Variants in CA5B observed in about 807,000 individuals in gnomAD.
CA5B encodes carbonic anhydrase 5B, mitochondrial.
CA5B carries 15 observed loss-of-function variants against 23.1 expected under a neutral mutation model. The ratio of observed to expected loss-of-function variants is 0.65; its 90% confidence interval spans 0.43 to 1.00. The LOEUF (loss-of-function observed/expected upper bound fraction) is 1.00. CA5B is among the 50% of genes least tolerant of loss of function. The probability of loss-of-function intolerance (pLI) is 0.00; values close to 1 mark genes in which losing one functional copy is unlikely to be tolerated. For missense variants in CA5B, 236 were observed against 252.2 expected, an observed-to-expected ratio of 0.94 and a Z score of 0.43; for synonymous variants, 84 against 98.5, an observed-to-expected ratio of 0.85 and a Z score of 0.87.
chrX:15,773,304 G>A (rs1349914514), intron 4 of CA5B, among the ~76,000 whole-genome samples: 1 of 109,910 alleles, frequency 9.1e-6, no homozygotes, highest in East Asian at 2.8e-4. Flanking sequence ...CTGTCACCCA[G>A]GCTGGAGTGC....
chrX:15,775,335 G>C (rs1176882487), intron 6 of CA5B, 27 bp downstream of exon 6: 1 of 1,178,312 alleles, frequency 8.5e-7, no homozygotes, highest in African/African-American at 1.8e-5. Flanking sequence ...TTAATTACTT[G>C]AAATATACTT....
rs759440640 is a variant in CA5B at position 15,770,417 on chromosome X, A to G, written c.341-2079A>G. Among the ~76,000 whole-genome samples, 18 of 111,869 alleles carry G rather than the reference A, an allele frequency of 1.6e-4. 1 individual carries two copies. In the East Asian group the frequency reaches 4.5e-3, roughly 28 times the overall value. ...TGACTGCTTTGCTTTCCAATTCACT[A>G]TCTTCTGTCTACCTGCCCCATTTCT... is the stretch of plus-strand genomic sequence containing the variant. On this transcript the variant is annotated intron_variant, in intron 3 of 7. Coordinates refer to ENST00000318636, the MANE Select transcript of CA5B (RefSeq NM_007220.4).
chrX:15,762,337 C>CAGAGTAAACCAG (rs1172868828), intron 2 of CA5B, among the ~76,000 whole-genome samples: 2 of 110,987 alleles, frequency 1.8e-5, no homozygotes, highest in African/African-American at 6.5e-5. Context: ...TCTGCTCTGT[C>CAGAGTAAACCAG]AGAGTAAACC....
chrX:15,742,749 C>T (rs185195660), intron 1 of CA5B, among the ~76,000 whole-genome samples: 47 of 112,687 alleles, frequency 4.2e-4, no homozygotes, highest in South Asian at 1.4e-3. Flanking sequence ...CGGAAACCTC[C>T]ACTGTCTCCC....
At chrX:15,774,424 A>G in intron 5 of CA5B, 27 bp downstream of exon 5, 2 of 826,317 alleles carry the variant, frequency 2.4e-6, no homozygotes, top group East Asian at 3.1e-5. Flanking sequence ...ACTTTAAATG[A>G]CGTGTTGTAT....
At chrX:15,753,502 C>A (rs1417689579) in intron 2 of CA5B, among the ~76,000 whole-genome samples, 1 of 112,225 alleles carries the variant, frequency 8.9e-6, no homozygotes, top group Non-Finnish European at 1.9e-5. Flanking sequence ...GGTGTCAGAT[C>A]TCTCCTGGAT....
intron 3 of CA5B, among the ~76,000 whole-genome samples, chrX:15,770,249 G>A (rs1458536914): frequency 9.0e-6 from 1 of 111,158 alleles, no homozygotes; most frequent in African/African-American, 3.3e-5. Flanking sequence ...GGGAGTTGGA[G>A]GTTGCAGTGA....
intron 2 of CA5B, among the ~76,000 whole-genome samples, chrX:15,752,676 G>T (rs1389703949): frequency 9.2e-6 from 1 of 109,258 alleles, no homozygotes; most frequent in Non-Finnish European, 1.9e-5. Flanking sequence ...AGTGAGCCGA[G>T]ATCGCGCCAC....
chrX:15,740,657 C>G (rs1931100187), intron 1 of CA5B, among the ~76,000 whole-genome samples: 1 of 111,831 alleles, frequency 8.9e-6, no homozygotes. Context: ...GGAGGGGATT[C>G]TCTTTCTATC....
chrX:15,770,161 A>C (rs1216953672), intron 3 of CA5B, among the ~76,000 whole-genome samples: 2 of 109,316 alleles, frequency 1.8e-5, no homozygotes, highest in Non-Finnish European at 3.8e-5. Flanking sequence ...CAAAATACAA[A>C]AATTATTTGG....
intron 1 of CA5B, among the ~76,000 whole-genome samples, chrX:15,749,644 AT>A (rs1262965742): frequency 6.8e-4 from 70 of 102,807 alleles, no homozygotes; most frequent in Non-Finnish European, 5.0e-4. Flanking sequence ...TCCTGGAGCA[AT>A]TTTTTTTTTT....
chrX:15,744,317 G>A (rs1252804159), intron 1 of CA5B, among the ~76,000 whole-genome samples: 2 of 112,676 alleles, frequency 1.8e-5, no homozygotes, highest in African/African-American at 3.2e-5. Context: ...TGAATGCCAT[G>A]CTAACAGGCC....
In CA5B at chrX:15,786,306, CTT is replaced by C. The variant is rs1280911232; in HGVS notation, c.*3646_*3647del. On this transcript the variant is annotated 3_prime_UTR_variant, in exon 8 of 8. Coordinates refer to ENST00000318636, the MANE Select transcript of CA5B (RefSeq NM_007220.4). ...TTCTGGCATGATTATTAACCACACT[CTT>C]TTTCACTTTGAACCATGTCCTGGTT... 9.0e-6 allele frequency: 1 copy of C among 111,463 alleles called. No individual in the cohort carries two copies. Among genetic ancestry groups the C allele is most frequent in the Non-Finnish European group, 1.9e-5 (1 of 53,134 alleles). 9.2% of individuals were successfully genotyped at this position (111,463 alleles called of 1,213,427 possible). A position where few individuals can be genotyped will look rare whatever the true frequency, so the allele number is the denominator to read the frequency against.
At chrX:15,759,097 C>G (rs1931549648) in intron 2 of CA5B, among the ~76,000 whole-genome samples, 1 of 111,178 alleles carries the variant, frequency 9.0e-6, no homozygotes, top group Admixed American at 9.6e-5. Flanking sequence ...AGCCCAAGAC[C>G]TAAAGATAAT....
intron 1 of CA5B, among the ~76,000 whole-genome samples, chrX:15,743,598 C>A (rs772623899): frequency 1.8e-5 from 2 of 112,252 alleles, no homozygotes; most frequent in East Asian, 5.6e-4. Flanking sequence ...ACTTTCCTGG[C>A]TCCACTCACT....
At chrX:15,775,391 T>C (rs1931902936) in intron 6 of CA5B, 83 bp downstream of exon 6, 1 of 1,105,472 alleles carries the variant, frequency 9.0e-7, no homozygotes, top group South Asian at 2.4e-5. Context: ...GCACTTTGAA[T>C]TGGGAAGTTT....
At chrX:15,762,443 T>G (rs1334680797) in intron 2 of CA5B, among the ~76,000 whole-genome samples, 2 of 108,868 alleles carry the variant, frequency 1.8e-5, no homozygotes, top group East Asian at 5.8e-4. Context: ...AGTCTCATCC[T>G]TATTCTTTTT....
intron 6 of CA5B, chrX:15,775,756 C>T (rs1490905356): frequency 1.3e-6 from 1 of 753,139 alleles, no homozygotes; most frequent in East Asian, 1.5e-4. Flanking sequence ...CTTCAATATT[C>T]AGAATCTCAA....
At chrX:15,761,723 G>T (rs1045227704) in intron 2 of CA5B, among the ~76,000 whole-genome samples, 1 of 110,926 alleles carries the variant, frequency 9.0e-6, no homozygotes, top group Non-Finnish European at 1.9e-5. Context: ...TGTCTTGTCG[G>T]GGGGAGCCCA....
Sources: gnomAD v4.1 joint callset for allele counts (sites outside exome capture counted in the v4.1 genomes callset) on GRCh38, gnomAD v4.1.1 for gene constraint, MANE v1.5 for transcripts, NCBI Gene and HGNC (gene_info 2026-07-23, HGNC 2026-07-21) for gene names.